Variants in SKIC3 observed in about 807,000 individuals in gnomAD.
SKIC3 encodes the protein SKI3 subunit of superkiller complex, also known as superkiller complex protein 3.
the SKIC3 span, chr5:95,470,021 G>A: frequency 7.6e-7 from 1 of 1,311,346 alleles, no homozygotes; most frequent in East Asian, 2.8e-5. Context: ...CTGTCACCCA[G>A]CCTGGAGTGC....
At chr5:95,520,912 A>G in the SKIC3 span, 1 of 913,188 alleles carries the variant, frequency 1.1e-6, no homozygotes, top group Non-Finnish European at 1.8e-6. Flanking sequence ...ATTTTAAAGC[A>G]CTTTCCAGAA....
chr5:95,517,542 C>CT, the SKIC3 span, among the ~76,000 whole-genome samples: 1 of 151,908 alleles, frequency 6.6e-6, no homozygotes, highest in Non-Finnish European at 1.5e-5. Context: ...TTTGTGGACA[C>CT]TTTTTTTTGT....
At chr5:95,513,520 A>G in the SKIC3 span, 1 of 1,574,028 alleles carries the variant, frequency 6.4e-7, no homozygotes, top group Non-Finnish European at 8.7e-7. Flanking sequence ...CTTAACAAGG[A>G]TAACACTTTT....
At chr5:95,524,663 C>T in the SKIC3 span, 63 of 1,593,912 alleles carry the variant, frequency 4.0e-5, 1 homozygote, top group South Asian at 5.9e-4. Flanking sequence ...ATATAGGAGA[C>T]TCCTAGTTGG....
the SKIC3 span, chr5:95,509,615 T>C: frequency 6.2e-7 from 1 of 1,613,512 alleles, no homozygotes; most frequent in African/African-American, 1.3e-5. Flanking sequence ...ATTTGCTGCT[T>C]CCTTTTTCAG....
At chr5:95,525,774 T>C in the SKIC3 span, 8 of 1,110,438 alleles carry the variant, frequency 7.2e-6, no homozygotes, top group African/African-American at 6.2e-5. Flanking sequence ...ATGGTCCTAA[T>C]AGAATAAAGA....
chr5:95,530,031 G>A, the SKIC3 span: 20 of 1,591,482 alleles, frequency 1.3e-5, no homozygotes, highest in South Asian at 1.8e-4. Flanking sequence ...AAAGATAAAT[G>A]CCTACTGACT....
the SKIC3 span, among the ~76,000 whole-genome samples, chr5:95,509,015 TTCTC>T: frequency 1.3e-5 from 2 of 152,090 alleles, no homozygotes; most frequent in Admixed American, 6.5e-5. Context: ...TTCTATCGAT[TTCTC>T]TCTCTCAATT....
the SKIC3 span, among the ~76,000 whole-genome samples, chr5:95,554,062 C>T: frequency 6.6e-6 from 1 of 152,160 alleles, no homozygotes; most frequent in Admixed American, 6.5e-5. Flanking sequence ...TTCCTATCTG[C>T]AATATGGTGA....
At chr5:95,549,171 G>C in the SKIC3 span, among the ~76,000 whole-genome samples, 1 of 151,960 alleles carries the variant, frequency 6.6e-6, no homozygotes, top group Non-Finnish European at 1.5e-5. Flanking sequence ...AAGATGACAA[G>C]ACTTAAAAAT....
chr5:95,482,707 G>C, the SKIC3 span: 16 of 1,535,836 alleles, frequency 1.0e-5, no homozygotes, highest in South Asian at 1.6e-4. Context: ...TATTCTCCAA[G>C]TTGGGAAAAT....
chr5:95,530,795 T>C, the SKIC3 span, among the ~76,000 whole-genome samples: 65 of 152,342 alleles, frequency 4.3e-4, no homozygotes, highest in Non-Finnish European at 2.1e-4. Context: ...GTGACACTTA[T>C]GAGATAGTCA....
the SKIC3 span, chr5:95,522,217 T>C: frequency 1.7e-3 from 2,766 of 1,613,908 alleles, 8 homozygotes; most frequent in Non-Finnish European, 1.6e-3. Context: ...ACTTCAAGGC[T>C]GTTGTGTAGC....
At chr5:95,524,757 G>C in the SKIC3 span, among the ~76,000 whole-genome samples, 1 of 152,164 alleles carries the variant, frequency 6.6e-6, no homozygotes, top group African/African-American at 2.4e-5. Context: ...AAGGAAAAAA[G>C]TGATTTGTTT....
the SKIC3 span, among the ~76,000 whole-genome samples, chr5:95,466,511 C>T: frequency 6.6e-6 from 1 of 152,156 alleles, no homozygotes; most frequent in Non-Finnish European, 1.5e-5. Context: ...TCCACAATCT[C>T]AGTAGGTTGA....
the SKIC3 span, chr5:95,515,104 A>G: frequency 3.4e-6 from 2 of 581,652 alleles, no homozygotes; most frequent in Non-Finnish European, 6.1e-6. Context: ...CAGTTCTGGA[A>G]CACTCCTGGG....
At chr5:95,497,324 T>C in the SKIC3 span, 1 of 1,159,176 alleles carries the variant, frequency 8.6e-7, no homozygotes, top group Non-Finnish European at 1.3e-6. Context: ...CAAATTATCT[T>C]GCAGAAGAAT....
chr5:95,537,153 A>T, the SKIC3 span: 1 of 1,605,320 alleles, frequency 6.2e-7, no homozygotes, highest in South Asian at 1.1e-5. Context: ...TGAAACAAAT[A>T]AAAAAGCTAT....
the SKIC3 span, among the ~76,000 whole-genome samples, chr5:95,472,666 TAC>T: frequency 2.0e-5 from 3 of 151,976 alleles, no homozygotes; most frequent in African/African-American, 7.2e-5. Context: ...TAACTTCAGA[TAC>T]AGAGGATACA....
Sources: gnomAD v4.1 joint callset for allele counts (sites outside exome capture counted in the v4.1 genomes callset) on GRCh38, gnomAD v4.1.1 for gene constraint, MANE v1.5 for transcripts, NCBI Gene and HGNC (gene_info 2026-07-23, HGNC 2026-07-21) for gene names.